The following AIDA variants were observed in gnomAD, a reference collection of about 807,000 sequenced individuals.
The protein encoded by AIDA is axin interactor, dorsalization-associated protein.
Under a neutral mutation model 42.7 loss-of-function variants are expected in AIDA, and 18 were observed. The observed-to-expected ratio is 0.42, with a 90% CI of 0.29 to 0.63. AIDA has a LOEUF of 0.63. AIDA is among the 20% of genes least tolerant of loss of function. The pLI is 0.19. For missense variants in AIDA, 250 were observed against 354.1 expected (o/e 0.71, Z 2.36); for synonymous variants, 104 against 122.9 (o/e 0.85, Z 1.02).
intron 1 of AIDA, among the ~76,000 whole-genome samples, chr1:222,705,500 T>C (rs1486171724): frequency 2.0e-5 from 3 of 152,220 alleles, no homozygotes; most frequent in African/African-American, 4.8e-5. Flanking sequence ...GCAGAATCAC[T>C]GTCAGAAGGG....
intron 2 of AIDA, 81 bp downstream of exon 2, chr1:222,703,067 T>C: frequency 1.7e-6 from 2 of 1,164,066 alleles, no homozygotes; most frequent in East Asian, 4.9e-5. Flanking sequence ...GTTTTGTTGT[T>C]TTTTGTTTTG....
intron 4 of AIDA, among the ~76,000 whole-genome samples, chr1:222,689,650 G>T (rs71524942): frequency 0.56 from 82,173 of 145,930 alleles, 26,597 homozygotes; most frequent in Non-Finnish European, 0.73. Context: ...CAAAGTGTTT[G>T]TATTTTAAGC....
Position 222,673,448 on chromosome 1 carries a change from G to T in AIDA, c.584-13C>A. 6.4e-7 allele frequency: 1 copy of T among 1,551,282 alleles called. No homozygotes were observed. The highest frequency in any genetic ancestry group is 8.7e-7 in the Non-Finnish European group (1 of 1,150,122). Reference sequence around the variant, plus strand: ...ATGCCATTCAGATCTAAAGAGAAAAGAAGTTTCTCTTTAGGAACATTCAAA... The same window carrying T: ...ATGCCATTCAGATCTAAAGAGAAAATAAGTTTCTCTTTAGGAACATTCAAA... On this transcript the variant is annotated splice_polypyrimidine_tract_variant and intron_variant, in intron 7 of 9. Coordinates refer to ENST00000340020, the MANE Select transcript of AIDA (RefSeq NM_022831.4).
intron 4 of AIDA, among the ~76,000 whole-genome samples, chr1:222,689,861 C>CACTG: frequency 6.6e-6 from 1 of 152,112 alleles, no homozygotes; most frequent in East Asian, 1.9e-4. Flanking sequence ...ATCACTCACT[C>CACTG]ACTGACTCAC....
intron 4 of AIDA, among the ~76,000 whole-genome samples, chr1:222,691,641 TTAG>T (rs1184803776): frequency 1.3e-5 from 2 of 152,176 alleles, no homozygotes. Context: ...TAGCTCATTG[TTAG>T]TAAATGGTTA....
chr1:222,708,515 A>C (rs1655903928), intron 1 of AIDA, among the ~76,000 whole-genome samples: 1 of 151,438 alleles, frequency 6.6e-6, no homozygotes, highest in Non-Finnish European at 1.5e-5. Flanking sequence ...CTACAGGCAC[A>C]CGCCACCACG....
intron 9 of AIDA, 38 bp downstream of exon 9, chr1:222,670,095 C>T (rs1664418297): frequency 6.2e-7 from 1 of 1,606,896 alleles, no homozygotes; most frequent in Non-Finnish European, 8.5e-7. Flanking sequence ...TACTAGTCAC[C>T]ATCAAATTAG....
chr1:222,700,048 G>A (rs569246980), intron 2 of AIDA, among the ~76,000 whole-genome samples: 20 of 152,194 alleles, frequency 1.3e-4, no homozygotes, highest in South Asian at 4.2e-4. Flanking sequence ...GTGAGCCACC[G>A]CGTCCGGCTA....
chr1:222,712,186 G>A, intron 1 of AIDA, 22 bp downstream of exon 1: 1 of 1,583,244 alleles, frequency 6.3e-7, no homozygotes, highest in Non-Finnish European at 8.6e-7. Context: ...GGTCTGGCCT[G>A]CTCCCGCGGT....
chr1:222,703,119 T>C (rs1170519984), intron 2 of AIDA, 29 bp downstream of exon 2: 4 of 1,540,290 alleles, frequency 2.6e-6, no homozygotes, highest in Non-Finnish European at 3.5e-6. Context: ...GTTTGGAATC[T>C]GATATATCTA....
intron 1 of AIDA, among the ~76,000 whole-genome samples, chr1:222,708,019 A>G (rs1379167539): frequency 6.6e-6 from 1 of 152,138 alleles, no homozygotes; most frequent in Non-Finnish European, 1.5e-5. Flanking sequence ...AGCAAAAATG[A>G]CAAGTGGGGC....
Position 222,689,481 on chromosome 1 carries a change from G to GTATGTATA in AIDA, c.290-1824_290-1823insTATACATA, listed in dbSNP as rs1553294373. ...AAAGAAAATATGTATGTGTGTGTGT[G>GTATGTATA]TATATATATATATATATATATATAT... is the stretch of plus-strand genomic sequence containing the variant. On this transcript the variant is annotated intron_variant, in intron 4 of 9. Transcript: ENST00000340020. Among the ~76,000 whole-genome samples, 98 of 35,358 alleles carry GTATGTATA rather than the reference G, an allele frequency of 2.8e-3. 1 individual carries two copies. The highest frequency in any genetic ancestry group is 4.8e-3 in the Non-Finnish European group (81 of 16,882). The allele number at this position is 35,358 out of a possible 152,430, so 23.2% of individuals were successfully genotyped here.
chr1:222,671,650 G>A (rs1412022087), intron 8 of AIDA, among the ~76,000 whole-genome samples: 1 of 152,150 alleles, frequency 6.6e-6, no homozygotes, highest in African/African-American at 2.4e-5. Context: ...AGGGAGAGAT[G>A]GGCATATTTG....
chr1:222,677,028 T>A (rs1400135777), intron 6 of AIDA, among the ~76,000 whole-genome samples: 1 of 152,066 alleles, frequency 6.6e-6, no homozygotes, highest in African/African-American at 2.4e-5. Flanking sequence ...TTCCAATCCA[T>A]CAACTGATAT....
chr1:222,685,957 C>T (rs1244998618), intron 6 of AIDA, among the ~76,000 whole-genome samples: 2 of 152,138 alleles, frequency 1.3e-5, no homozygotes, highest in Admixed American at 6.5e-5. Context: ...GTCAGGAGTT[C>T]GAGACCAGCC....
chr1:222,710,888 G>T (rs1655994649), intron 1 of AIDA, among the ~76,000 whole-genome samples: 1 of 152,214 alleles, frequency 6.6e-6, no homozygotes, highest in African/African-American at 2.4e-5. Context: ...AATGCTAGTA[G>T]TTGTTACACA....
intron 4 of AIDA, among the ~76,000 whole-genome samples, chr1:222,691,892 A>G (rs1005665451): frequency 1.3e-5 from 2 of 152,234 alleles, no homozygotes; most frequent in Admixed American, 6.5e-5. Context: ...TTGTATTGTA[A>G]TAGAAGAATT....
chr1:222,697,218 C>A (rs902761036), intron 2 of AIDA, among the ~76,000 whole-genome samples: 13 of 151,860 alleles, frequency 8.6e-5, no homozygotes, highest in Middle Eastern at 3.4e-3. Context: ...ACTGGGATTA[C>A]AGGCATGAGC....
At chr1:222,707,991 A>G (rs760396484) in intron 1 of AIDA, among the ~76,000 whole-genome samples, 1 of 152,200 alleles carries the variant, frequency 6.6e-6, no homozygotes, top group African/African-American at 2.4e-5. Context: ...CACTTTAAGT[A>G]GCAGAGACAT....
Sources: gnomAD v4.1 joint callset for allele counts (sites outside exome capture counted in the v4.1 genomes callset) on GRCh38, gnomAD v4.1.1 for gene constraint, MANE v1.5 for transcripts, NCBI Gene and HGNC (gene_info 2026-07-23, HGNC 2026-07-21) for gene names.